The following SLC2A7 variants were observed in gnomAD, a reference collection of about 807,000 sequenced individuals.
SLC2A7 encodes solute carrier family 2, facilitated glucose transporter member 7.
SLC2A7 carries 50 observed loss-of-function variants against 50.5 expected under a neutral mutation model. The observed-to-expected ratio is 0.99, with a 90% CI of 0.79 to 1.25. SLC2A7 has a LOEUF of 1.25. Ranked by LOEUF, SLC2A7 falls within the 50% of genes most tolerant of loss-of-function variation. The pLI is 0.00. For missense variants in SLC2A7, 683 were observed against 679.1 expected (o/e 1.01, Z -0.06); for synonymous variants, 308 against 300.4 (o/e 1.03, Z -0.26).
rs1290175861 is a variant in SLC2A7, at chr1:9,003,308, A to C, written c.1531T>G (p.Ser511Ala). 6.2e-7 allele frequency: 1 copy of C among 1,614,124 alleles called. No homozygotes were observed. Among genetic ancestry groups the C allele is most frequent in the South Asian group, 1.1e-5 (1 of 91,086 alleles). ...TCCTTCATGCAGGGCCACTAAAAGG[A>C]AGTTTCCTTGGCAGGAGAGGCTGTG... ...PPTASPAKETSF is the reference protein window; with the variant it reads ...PPTASPAKETAF Residue 511 changes from serine to alanine, a missense_variant, in exon 12 of 12, where the codon TCC becomes GCC. Transcript: ENST00000400906.
At chr1:8,992,616 C>G in the SLC2A7 span, among the ~76,000 whole-genome samples, 53 of 152,132 alleles carry the variant, frequency 3.5e-4, no homozygotes, top group Non-Finnish European at 6.9e-4. Context: ...TATTCAAGAC[C>G]TTTGTTTTCA....
intron 6 of SLC2A7, 120 bp from the exon 7 acceptor site, chr1:9,014,988 A>AC (rs535655666): frequency 5.3e-5 from 79 of 1,490,502 alleles, no homozygotes; most frequent in South Asian, 5.0e-4. Flanking sequence ...CCCAGTTGCC[A>AC]CCCCCCCACC....
chr1:9,024,840 C>T (rs9728716), intron 2 of SLC2A7, 136 bp downstream of exon 2: 2 of 915,122 alleles, frequency 2.2e-6, no homozygotes, highest in East Asian at 2.6e-5. Context: ...CTAGGGCAAG[C>T]TGGCTGCTCC....
At chr1:9,010,416 T>C (rs1280944521) in intron 8 of SLC2A7, among the ~76,000 whole-genome samples, 172 bp from the exon 9 acceptor site, 1 of 152,114 alleles carries the variant, frequency 6.6e-6, no homozygotes, top group African/African-American at 2.4e-5. Context: ...TGGAGTGCAG[T>C]GGTGCGATCT....
downstream of SLC2A7, among the ~76,000 whole-genome samples, chr1:8,998,858 T>A (rs927601003): frequency 6.6e-6 from 1 of 152,216 alleles, no homozygotes; most frequent in African/African-American, 2.4e-5. Context: ...ATATGGTTAC[T>A]AATTTTTGTA....
chr1:9,015,393 C>T (rs1487515667), intron 5 of SLC2A7, 151 bp from the exon 6 acceptor site: 2 of 1,014,934 alleles, frequency 2.0e-6, no homozygotes, highest in Admixed American at 3.3e-5. Context: ...TTTCCACATT[C>T]AAAACGGAGG....
chr1:9,010,594 G>A (rs1640733127), intron 8 of SLC2A7, among the ~76,000 whole-genome samples: 1 of 152,100 alleles, frequency 6.6e-6, no homozygotes. Flanking sequence ...CTGGCCTCAA[G>A]TGATCCTCCT....
Position 9,024,976 on chromosome 1 carries a change from C to G in SLC2A7, c.150G>C (p.Lys50Asn). 6.2e-7 allele frequency: 1 copy of G among 1,613,936 alleles called. No individual in the cohort carries two copies. The highest frequency in any genetic ancestry group is 2.2e-5 in the East Asian group (1 of 44,878). ...YNLSVVNTPHKVFKSFYNETY... is the reference protein window; with the variant it reads ...YNLSVVNTPHNVFKSFYNETY... Reference sequence around the variant, plus strand: ...CACCTTGTGCCCACCTTGTGCCCACCTTGTGCGGCGTGTTGACCACAGAGA... The same window carrying G: ...CACCTTGTGCCCACCTTGTGCCCACGTTGTGCGGCGTGTTGACCACAGAGA... Residue 50 changes from lysine (K) to asparagine (N), a missense_variant and splice_region_variant, in exon 2 of 12, where the codon AAG becomes AAC. Transcript: ENST00000400906.
intron 10 of SLC2A7, among the ~76,000 whole-genome samples, chr1:9,006,268 AT>A (rs1557646042): frequency 6.6e-6 from 1 of 151,996 alleles, no homozygotes; most frequent in South Asian, 2.1e-4. Flanking sequence ...GCTCCCCTTT[AT>A]TTTTTAGACA....
chr1:8,993,713 C>T, the SLC2A7 span, among the ~76,000 whole-genome samples: 20 of 152,320 alleles, frequency 1.3e-4, no homozygotes, highest in Admixed American at 1.3e-4. Context: ...CTCTAACCTC[C>T]GCCTCCCAGG....
downstream of SLC2A7, among the ~76,000 whole-genome samples, chr1:8,999,232 G>A (rs1013571729): frequency 6.6e-6 from 1 of 151,954 alleles, no homozygotes; most frequent in African/African-American, 2.4e-5. Context: ...GGCTGGTCTC[G>A]AACTCCTGAC....
chr1:9,009,632 A>G (rs1044720155), intron 9 of SLC2A7, among the ~76,000 whole-genome samples: 1 of 151,986 alleles, frequency 6.6e-6, no homozygotes, highest in Non-Finnish European at 1.5e-5. Flanking sequence ...AACGTTTTGT[A>G]TTTTTTGTAG....
intron 8 of SLC2A7, among the ~76,000 whole-genome samples, chr1:9,011,332 C>G (rs1422539736): frequency 6.6e-6 from 1 of 152,166 alleles, no homozygotes; most frequent in Non-Finnish European, 1.5e-5. Flanking sequence ...CCTCACCATA[C>G]CTGAATAAGA....
rs190469540 is a variant in SLC2A7, at chr1:9,008,338, A to G, written c.1117-953T>C. On this transcript the variant is annotated intron_variant, in intron 9 of 11. Coordinates refer to ENST00000400906, the MANE Select transcript of SLC2A7 (RefSeq NM_207420.3). This position sits in a 1 kb window ranked among gnomAD's most constrained non-coding sequence, Gnocchi z 5.9. ...TTCATTTTCAACAAGAAGAGAAGGCAGGAGGATTGGGGCCATTCAACACTT... is the reference window on the plus strand; with the variant it reads ...TTCATTTTCAACAAGAAGAGAAGGCGGGAGGATTGGGGCCATTCAACACTT... 1.3e-5 allele frequency among the ~76,000 whole-genome samples: 2 copies of G among 152,284 alleles called. No individual in the cohort carries two copies. The highest frequency in any genetic ancestry group is 2.9e-5 in the Non-Finnish European group (2 of 68,016).
At chr1:9,025,727 G>A (rs1640989031) in intron 1 of SLC2A7, among the ~76,000 whole-genome samples, 1 of 152,196 alleles carries the variant, frequency 6.6e-6, no homozygotes, top group South Asian at 2.1e-4. Context: ...GGCTTTCCAT[G>A]GTTGCCACAA....
downstream of SLC2A7, among the ~76,000 whole-genome samples, chr1:9,001,405 T>A (rs11810935): frequency 0.023 from 3,415 of 150,060 alleles, 110 homozygotes; most frequent in African/African-American, 0.078. Context: ...TGGTCAGGCC[T>A]GAATGCAGGT....
chr1:9,003,043 G>A lies in SLC2A7; in HGVS notation c.*257C>T, dbSNP rs548353173. On this transcript the variant is annotated 3_prime_UTR_variant, in exon 12 of 12. Transcript: ENST00000400906. ...TCATTTAAATTTTGGTGCCAATGTA[G>A]AATCGGAAAATCGAGTCTTAACCAA... Among the ~76,000 whole-genome samples, 5 of 152,350 alleles carry A rather than the reference G, an allele frequency of 3.3e-5. No homozygotes were observed. In the South Asian group the frequency reaches 1.0e-3, roughly 32 times the overall value.
chr1:9,006,125 G>C (rs1640649962), intron 10 of SLC2A7, among the ~76,000 whole-genome samples: 1 of 152,224 alleles, frequency 6.6e-6, no homozygotes, highest in Non-Finnish European at 1.5e-5. Flanking sequence ...TGCTCCAGGT[G>C]ACACACAGGC....
chr1:9,016,379 A>AG (rs1210789808), intron 5 of SLC2A7, among the ~76,000 whole-genome samples: 1 of 152,152 alleles, frequency 6.6e-6, no homozygotes, highest in East Asian at 1.9e-4. Context: ...CGGAGGCAGG[A>AG]GGATTACTTG....
Sources: allele counts gnomAD v4.1 joint callset (sites outside exome capture counted in the v4.1 genomes callset), GRCh38; gene constraint gnomAD v4.1.1; non-coding constraint Gnocchi (gnomAD v3.1); transcripts MANE v1.5; gene names NCBI Gene and HGNC (gene_info 2026-07-23, HGNC 2026-07-21).